Variants in FSTL5 observed in about 807,000 individuals in gnomAD.
FSTL5 encodes the protein follistatin-related protein 5.
FSTL5 carries 62 observed loss-of-function variants against 89.1 expected under a neutral mutation model. The observed-to-expected ratio is 0.70, with a 90% CI of 0.57 to 0.86. The LOEUF is 0.86. Ranked by LOEUF, FSTL5 falls within the 40% of genes least tolerant of loss-of-function variation. FSTL5 has a pLI of 0.00. For missense variants in FSTL5, 1,057 were observed against 1,001.6 expected (o/e 1.06, Z -0.75); for synonymous variants, 383 against 346.2 (o/e 1.11, Z -1.18).
intron 6 of FSTL5, among the ~76,000 whole-genome samples, chr4:161,694,842 CTT>C (rs34276732): frequency 0.018 from 1,883 of 106,166 alleles, 15 homozygotes; most frequent in South Asian, 0.051. Context: ...TTCTAAATGC[CTT>C]TTTTTTTTTT....
At chr4:161,670,464 T>C (rs80157404) in intron 6 of FSTL5, among the ~76,000 whole-genome samples, 1,778 of 152,340 alleles carry the variant, frequency 0.012, 27 homozygotes, top group African/African-American at 0.04. Context: ...TTTTTCACTA[T>C]GTTTTAGATT....
intron 6 of FSTL5, among the ~76,000 whole-genome samples, chr4:161,674,881 T>C (rs2126702038): frequency 6.6e-6 from 1 of 152,252 alleles, no homozygotes; most frequent in African/African-American, 2.4e-5. Flanking sequence ...CTCCTGGGCT[T>C]TCCTGTGCAG....
chr4:161,490,119 C>T (rs184302121), intron 12 of FSTL5, among the ~76,000 whole-genome samples: 100 of 152,204 alleles, frequency 6.6e-4, no homozygotes, highest in Non-Finnish European at 1.0e-3. Flanking sequence ...TTAATTCACT[C>T]TGATCCTCTG....
intron 8 of FSTL5, among the ~76,000 whole-genome samples, chr4:161,549,736 C>A (rs1732135371): frequency 6.6e-6 from 1 of 151,918 alleles, no homozygotes; most frequent in African/African-American, 2.4e-5. Context: ...CCGGTTAATG[C>A]ATGTATTTTG....
chr4:161,677,885 A>G (rs1046022297), intron 6 of FSTL5, among the ~76,000 whole-genome samples: 4 of 151,916 alleles, frequency 2.6e-5, no homozygotes, highest in African/African-American at 9.7e-5. Flanking sequence ...ATTAATGCAT[A>G]TATCTATTAG....
intron 15 of FSTL5, among the ~76,000 whole-genome samples, chr4:161,450,030 G>A (rs149694190): frequency 3.3e-5 from 5 of 152,238 alleles, no homozygotes; most frequent in Non-Finnish European, 1.5e-5. Flanking sequence ...TCTGCACCAC[G>A]TTGGTCTCCG....
intron 13 of FSTL5, among the ~76,000 whole-genome samples, chr4:161,461,121 C>G (rs1733554441): frequency 6.6e-6 from 1 of 151,662 alleles, no homozygotes; most frequent in South Asian, 2.1e-4. Context: ...GATATTAAGC[C>G]TCTAGTTTCC....
In FSTL5 at chr4:161,741,681, A is replaced by ATTT. The variant is rs367947098; in HGVS notation, c.727+17727_727+17729dup. On this transcript the variant is annotated intron_variant, in intron 6 of 15. Transcript: ENST00000306100. Reference sequence around the variant, plus strand: ...GTAAGTGATGGAGTGGAGAAGTATGATTTTTTTTTTTTTTTTTTTTTTTGG... The same window carrying ATTT: ...GTAAGTGATGGAGTGGAGAAGTATGATTTTTTTTTTTTTTTTTTTTTTTTTTGG... Among the ~76,000 whole-genome samples the ATTT allele has an allele frequency of 6.5e-3, 680 of 104,584 alleles. 6 individuals carry two copies. Among genetic ancestry groups the ATTT allele is most frequent in the African/African-American group, 0.02 (610 of 30,614 alleles). 68.6% of individuals were successfully genotyped at this position (104,584 alleles called of 152,430 possible). A position where few individuals can be genotyped will look rare whatever the true frequency, so the allele number is the denominator to read the frequency against.
chr4:161,955,071 C>T (rs1488669829), intron 3 of FSTL5, among the ~76,000 whole-genome samples: 1 of 151,428 alleles, frequency 6.6e-6, no homozygotes, highest in African/African-American at 2.4e-5. Context: ...TCTTATAAGA[C>T]TTTTGTGCCA....
At chr4:162,066,511 C>T in intron 2 of FSTL5, among the ~76,000 whole-genome samples, 1 of 150,348 alleles carries the variant, frequency 6.7e-6, no homozygotes, top group Non-Finnish European at 1.5e-5. Flanking sequence ...GTTTGCTGCA[C>T]TTATCAATCC....
At chr4:161,908,465 TTG>T (rs1733598811) in intron 4 of FSTL5, among the ~76,000 whole-genome samples, 1 of 152,096 alleles carries the variant, frequency 6.6e-6, no homozygotes, top group Admixed American at 6.6e-5. Flanking sequence ...AATATATAAA[TTG>T]TTTCTTTCAA....
At position 161,659,770 on chromosome 4, in the gene FSTL5, A is replaced by G. The variant is rs150979441; in HGVS notation, c.728-3276T>C. Among the ~76,000 whole-genome samples, 902 of 152,306 alleles carry G rather than the reference A, an allele frequency of 5.9e-3. 9 individuals carry two copies. The highest frequency in any genetic ancestry group is 0.045 in the South Asian group (219 of 4,824). The stretch of plus-strand genomic sequence containing the variant: ...TTAAAAACAAGAATTTTGAAACAAA[A>G]TATTGAAAACAATCTTTTATTAACT... On this transcript the variant is annotated intron_variant, in intron 6 of 15. Transcript: ENST00000306100.
chr4:161,950,755 A>C (rs756022669), intron 3 of FSTL5, among the ~76,000 whole-genome samples: 3 of 151,956 alleles, frequency 2.0e-5, no homozygotes, highest in Non-Finnish European at 4.4e-5. Context: ...ATCCTCTTCT[A>C]CTCTGTCTTT....
At chr4:161,920,190 T>C (rs1318210264) in intron 4 of FSTL5, among the ~76,000 whole-genome samples, 1 of 152,130 alleles carries the variant, frequency 6.6e-6, no homozygotes, top group Non-Finnish European at 1.5e-5. Context: ...AAATTTTGAG[T>C]CATATTTTGG....
intron 15 of FSTL5, among the ~76,000 whole-genome samples, chr4:161,417,454 T>C (rs749431783): frequency 7.2e-5 from 11 of 152,240 alleles, no homozygotes; most frequent in Non-Finnish European, 1.2e-4. Context: ...CTATTTTATT[T>C]AACATGCTTT....
chr4:161,728,891 G>A (rs1040868545), intron 6 of FSTL5, among the ~76,000 whole-genome samples: 4 of 152,092 alleles, frequency 2.6e-5, no homozygotes, highest in South Asian at 2.1e-4. Context: ...GAAAGATGCC[G>A]CTACCACCTG....
intron 6 of FSTL5, among the ~76,000 whole-genome samples, chr4:161,681,970 A>T (rs903799533): frequency 6.6e-6 from 1 of 152,188 alleles, no homozygotes; most frequent in Non-Finnish European, 1.5e-5. Context: ...AGACTACTAT[A>T]CACCTGCAGT....
At chr4:161,592,286 A>G (rs1412674695) in intron 7 of FSTL5, among the ~76,000 whole-genome samples, 2 of 151,972 alleles carry the variant, frequency 1.3e-5, no homozygotes, top group Non-Finnish European at 2.9e-5. Context: ...TATTATTATC[A>G]TTATTATACA....
chr4:161,974,532 G>C (rs1221885592), intron 3 of FSTL5, among the ~76,000 whole-genome samples: 2 of 129,344 alleles, frequency 1.5e-5, no homozygotes, highest in Non-Finnish European at 3.2e-5. Context: ...ATGGTGCTGG[G>C]AAAACTGGCT....
Sources: allele counts gnomAD v4.1 joint callset (sites outside exome capture counted in the v4.1 genomes callset), GRCh38; gene constraint gnomAD v4.1.1; transcripts MANE v1.5; gene names NCBI Gene and HGNC (gene_info 2026-07-23, HGNC 2026-07-21).